The following ASXL2 variants were observed in gnomAD, a reference collection of about 807,000 sequenced individuals.
ASXL2 encodes ASXL transcriptional regulator 2.
In ASXL2, 23 loss-of-function variants were observed where a neutral mutation model predicts 122.0. The ratio of observed to expected loss-of-function variants is 0.19; its 90% CI spans 0.14 to 0.27. ASXL2 has a LOEUF of 0.27. Ranked by LOEUF, ASXL2 falls within the 10% of genes least tolerant of loss-of-function variation. ASXL2 has a pLI of 1.00. For missense variants in ASXL2, 1,518 were observed against 1,713.8 expected (o/e 0.89, Z 2.02); for synonymous variants, 650 against 637.0 (o/e 1.02, Z -0.31).
chr2:25,762,665 GAA>G (rs60065368), intron 8 of ASXL2, among the ~76,000 whole-genome samples: 230 of 34,242 alleles, frequency 6.7e-3, no homozygotes, highest in African/African-American at 8.3e-3. Context: ...ACTCTTTCTC[GAA>G]AAAAAAAAAA....
chr2:25,872,856 C>A (rs566935015), intron 1 of ASXL2, among the ~76,000 whole-genome samples: 152 of 152,246 alleles, frequency 1.0e-3, no homozygotes, highest in African/African-American at 3.7e-3. Context: ...CCAAAAAGCA[C>A]TTAGCCCAGA....
intron 3 of ASXL2, among the ~76,000 whole-genome samples, chr2:25,828,367 A>G (rs2089403808): frequency 6.6e-6 from 1 of 151,844 alleles, no homozygotes; most frequent in Non-Finnish European, 1.5e-5. Context: ...TTAGCCAGGC[A>G]TGGTGGCGCA....
At chr2:25,864,163 G>A (rs2089872341) in intron 1 of ASXL2, among the ~76,000 whole-genome samples, 2 of 152,064 alleles carry the variant, frequency 1.3e-5, no homozygotes, top group African/African-American at 2.4e-5. Context: ...GGAGCACTGG[G>A]CACAAAAGCA....
In ASXL2 at chr2:25,739,987, A is replaced by G. The variant is rs527669491; in HGVS notation, c.*2042T>C. On this transcript the variant is annotated 3_prime_UTR_variant, in exon 13 of 13. Coordinates refer to ENST00000435504, the MANE Select transcript of ASXL2 (RefSeq NM_018263.6). ...CCTTCCTGGATTGCCCAAGGTACTGAATATTTGGGAGCACCATTATTTCTG... is the reference window on the plus strand; with the variant it reads ...CCTTCCTGGATTGCCCAAGGTACTGGATATTTGGGAGCACCATTATTTCTG... The G allele has an allele frequency of 1.4e-5, 3 of 222,054 alleles. No individual in the cohort carries two copies. The East Asian group carries it at 2.0e-4, about 14-fold the overall frequency. 13.8% of individuals were successfully genotyped at this position (222,054 alleles called of 1,614,324 possible).
At chr2:25,824,102 T>C (rs2089346849) in intron 3 of ASXL2, among the ~76,000 whole-genome samples, 1 of 145,416 alleles carries the variant, frequency 6.9e-6, no homozygotes, top group Admixed American at 6.9e-5. Context: ...AAAATATATA[T>C]AGCAATAATT....
At chr2:25,809,884 G>C in intron 3 of ASXL2, 1 of 500,504 alleles carries the variant, frequency 2.0e-6, no homozygotes, top group Non-Finnish European at 4.0e-6. Flanking sequence ...ATGGAATCAG[G>C]GTCAGAGGGA....
chr2:25,839,614 CT>C (rs35346359), intron 2 of ASXL2, among the ~76,000 whole-genome samples: 30,315 of 106,746 alleles, frequency 0.28, 4,150 homozygotes, highest in African/African-American at 0.34. Context: ...GAAATTCTAT[CT>C]TTTTTTTTTT....
At chr2:25,828,366 C>T (rs1406651811) in intron 3 of ASXL2, among the ~76,000 whole-genome samples, 2 of 151,718 alleles carry the variant, frequency 1.3e-5, no homozygotes, top group Non-Finnish European at 1.5e-5. Flanking sequence ...ATTAGCCAGG[C>T]ATGGTGGCGC....
intron 1 of ASXL2, among the ~76,000 whole-genome samples, chr2:25,872,985 T>C (rs1358098075): frequency 6.6e-6 from 1 of 152,052 alleles, no homozygotes; most frequent in Non-Finnish European, 1.5e-5. Context: ...TGGTGTTTGG[T>C]TACATGGATA....
chr2:25,788,681 T>C (rs1179375994), intron 5 of ASXL2, among the ~76,000 whole-genome samples: 1 of 152,210 alleles, frequency 6.6e-6, no homozygotes, highest in Non-Finnish European at 1.5e-5. Context: ...TGCCTTTCTG[T>C]GGTCACTAAC....
chr2:25,770,581 CCT>C (rs913437366), intron 6 of ASXL2, among the ~76,000 whole-genome samples: 2 of 152,108 alleles, frequency 1.3e-5, no homozygotes, highest in Admixed American at 6.5e-5. Context: ...GTGGTGAAAC[CCT>C]GTCTCTACTA....
rs774771597 is a variant in ASXL2, at chr2:25,878,259, G to C, written c.-37C>G. The C allele has an allele frequency of 3.0e-5, 48 of 1,610,876 alleles. No homozygotes were observed. Among genetic ancestry groups the C allele is most frequent in the Non-Finnish European group, 3.9e-5 (46 of 1,177,760 alleles). On this transcript the variant is annotated 5_prime_UTR_variant, in exon 1 of 13. Coordinates refer to ENST00000435504, the MANE Select transcript of ASXL2 (RefSeq NM_018263.6). The stretch of plus-strand genomic sequence containing the variant: ...AACTGACTGGGAGGCTCCCGTGTCC[G>C]GGCTCCGGCCGCCCTCCCTGCCTGC...
At chr2:25,782,634 TAA>T (rs1484380227) in intron 5 of ASXL2, among the ~76,000 whole-genome samples, 2 of 152,212 alleles carry the variant, frequency 1.3e-5, no homozygotes, top group African/African-American at 4.8e-5. Flanking sequence ...TCATTCTGGC[TAA>T]AGGATAAGCC....
At chr2:25,769,978 G>C (rs2088418303) in intron 6 of ASXL2, among the ~76,000 whole-genome samples, 1 of 152,218 alleles carries the variant, frequency 6.6e-6, no homozygotes, top group African/African-American at 2.4e-5. Context: ...AGGTGAGGCA[G>C]AAGCACAAAG....
chr2:25,743,668 A>G lies in ASXL2; in HGVS notation c.2669T>C (p.Leu890Ser), dbSNP rs2087884728. The G allele has an allele frequency of 3.1e-6, 5 of 1,613,966 alleles. No homozygotes were observed. The highest frequency in any genetic ancestry group is 4.2e-6 in the Non-Finnish European group (5 of 1,179,884). The change falls in exon 13 of 13, where the codon TTA becomes TCA. Residue 890 changes from leucine (L) to serine (S), a missense_variant. Coordinates refer to ENST00000435504, the MANE Select transcript of ASXL2 (RefSeq NM_018263.6). ...CTTTTCTAAAGTGGCTGTGGTCAATAAAGATGTTAAAGGGGAGGGAGTTAC... is the reference window on the plus strand; with the variant it reads ...CTTTTCTAAAGTGGCTGTGGTCAATGAAGATGTTAAAGGGGAGGGAGTTAC... The part of the protein sequence containing the change: ...VAVTPSPLTS[L>S]LTTATLEKLP...
intron 1 of ASXL2, among the ~76,000 whole-genome samples, chr2:25,848,582 C>T (rs1374425500): frequency 6.6e-6 from 1 of 151,878 alleles, no homozygotes; most frequent in Non-Finnish European, 1.5e-5. Flanking sequence ...GAGATTGGGC[C>T]ACTGCACTCC....
intron 2 of ASXL2, among the ~76,000 whole-genome samples, chr2:25,842,693 T>TAA (rs2089598910): frequency 8.7e-6 from 1 of 114,660 alleles, no homozygotes; most frequent in Non-Finnish European, 2.0e-5. Flanking sequence ...CAAGTGTGTG[T>TAA]ATATATATAT....
rs188763495 is a variant in ASXL2 at position 25,766,158 on chromosome 2, T to C, written c.775+1425A>G. On this transcript the variant is annotated intron_variant, in intron 8 of 12. Transcript: ENST00000435504. ...CTAAGGATATCTGTACTCCCAATTC[T>C]TGAATCTTTCTATGTGAAGTATTTT... Among the ~76,000 whole-genome samples, 8 of 152,308 alleles carry C rather than the reference T, an allele frequency of 5.3e-5. No individual in the cohort carries two copies. In the East Asian group the frequency reaches 1.5e-3, roughly 29 times the overall value.
intron 1 of ASXL2, chr2:25,856,685 G>A (rs557124085): frequency 2.3e-6 from 3 of 1,282,700 alleles, no homozygotes; most frequent in Non-Finnish European, 3.4e-6. Flanking sequence ...AGCCGTTAGA[G>A]TGAGCCAGTT....
Sources: allele counts gnomAD v4.1 joint callset (sites outside exome capture counted in the v4.1 genomes callset), GRCh38; gene constraint gnomAD v4.1.1; transcripts MANE v1.5; gene names NCBI Gene and HGNC (gene_info 2026-07-23, HGNC 2026-07-21).